WASF3: variants seen among roughly 807,000 people sequenced by gnomAD.
WASF3 encodes the protein actin-binding protein WASF3.
In WASF3, 11 loss-of-function variants were observed where a neutral mutation model predicts 46.6. The observed-to-expected ratio is 0.24, with a 90% CI of 0.15 to 0.39. The LOEUF (loss-of-function observed/expected upper bound fraction) is 0.39. WASF3 is among the 10% of genes least tolerant of loss of function. The pLI is 1.00. For synonymous variants in WASF3, 242 were observed against 259.7 expected, an observed-to-expected ratio of 0.93 and a Z score of 0.65; for missense variants, 576 against 669.8, an observed-to-expected ratio of 0.86 and a Z score of 1.55.
chr13:26,602,294 A>G (rs1227573126), intron 1 of WASF3, among the ~76,000 whole-genome samples: 3 of 152,212 alleles, frequency 2.0e-5, no homozygotes, highest in African/African-American at 7.2e-5. Context: ...CTGCTACTTA[A>G]TTAATTGGAG....
At chr13:26,633,987 C>T (rs1347564831) in intron 2 of WASF3, among the ~76,000 whole-genome samples, 5 of 152,138 alleles carry the variant, frequency 3.3e-5, no homozygotes, top group African/African-American at 1.2e-4. Flanking sequence ...GTGGAGAGTT[C>T]TGTAGATGTC....
chr13:26,544,446 C>G, the WASF3 span, among the ~76,000 whole-genome samples: 1 of 152,202 alleles, frequency 6.6e-6, no homozygotes, highest in Non-Finnish European at 1.5e-5. Flanking sequence ...CTATCCTGCA[C>G]AAACATGGGG....
intron 1 of WASF3, among the ~76,000 whole-genome samples, chr13:26,608,792 A>T (rs1214908253): frequency 6.6e-6 from 1 of 152,208 alleles, no homozygotes; most frequent in South Asian, 2.1e-4. Flanking sequence ...TTTGCTAAAA[A>T]ATTCATATTC....
intron 3 of WASF3, among the ~76,000 whole-genome samples, chr13:26,661,772 C>T (rs950897217): frequency 3.9e-5 from 6 of 152,150 alleles, no homozygotes; most frequent in Admixed American, 2.6e-4. Flanking sequence ...CACTTTTCTG[C>T]GTTTTTGTTT....
chr13:26,636,004 A>G (rs1046171841), intron 2 of WASF3, among the ~76,000 whole-genome samples: 3 of 152,228 alleles, frequency 2.0e-5, no homozygotes, highest in Non-Finnish European at 4.4e-5. Flanking sequence ...CCGTTCTCAG[A>G]GCTCAAACGC....
chr13:26,573,597 CAA>C (rs1417548150), intron 1 of WASF3, among the ~76,000 whole-genome samples: 7 of 152,036 alleles, frequency 4.6e-5, no homozygotes, highest in Non-Finnish European at 1.5e-5. Flanking sequence ...CCTTTTCACC[CAA>C]GAGTTGTATA....
chr13:26,623,187 C>T (rs1437815392), intron 2 of WASF3, among the ~76,000 whole-genome samples: 1 of 152,188 alleles, frequency 6.6e-6, no homozygotes, highest in Non-Finnish European at 1.5e-5. Context: ...GGGAAGGTTA[C>T]ACTTACTCAT....
chr13:26,626,405 C>G (rs1342078546), intron 2 of WASF3: 1 of 152,158 alleles, frequency 6.6e-6, no homozygotes, highest in Non-Finnish European at 1.5e-5. Context: ...ACACATTTAG[C>G]AGGGGTCTTT....
intron 3 of WASF3, among the ~76,000 whole-genome samples, chr13:26,661,250 ACT>A (rs1258396588): frequency 2.0e-5 from 3 of 151,918 alleles, no homozygotes; most frequent in Non-Finnish European, 4.4e-5. Flanking sequence ...CAGAAGCAAA[ACT>A]CTGCGCTCGT....
At chr13:26,612,925 C>G (rs1284109373) in intron 1 of WASF3, 36 bp from the exon 2 acceptor site, 1 of 151,962 alleles carries the variant, frequency 6.6e-6, no homozygotes, top group Non-Finnish European at 1.5e-5. Context: ...ATGCATTTTG[C>G]CTACTGGTAA....
intron 2 of WASF3, among the ~76,000 whole-genome samples, chr13:26,617,538 G>A (rs1421795564): frequency 6.6e-6 from 1 of 152,174 alleles, no homozygotes; most frequent in Non-Finnish European, 1.5e-5. Context: ...CATGGACTGA[G>A]TCCAGGCTGC....
intron 3 of WASF3, among the ~76,000 whole-genome samples, chr13:26,654,057 A>G (rs1274753639): frequency 2.0e-5 from 3 of 152,078 alleles, no homozygotes; most frequent in African/African-American, 7.3e-5. Context: ...GCAAGTCTGT[A>G]TGCCTGTTAG....
chr13:26,598,707 A>G (rs527347724), intron 1 of WASF3, among the ~76,000 whole-genome samples: 84 of 152,224 alleles, frequency 5.5e-4, no homozygotes, highest in Non-Finnish European at 9.3e-4. Context: ...AGATCTCTTT[A>G]TGCTTCAGAG....
At chr13:26,582,717 G>A (rs2137171107) in intron 1 of WASF3, among the ~76,000 whole-genome samples, 1 of 137,036 alleles carries the variant, frequency 7.3e-6, no homozygotes, top group African/African-American at 2.6e-5. Context: ...TCACAGTGTT[G>A]TACTTAAAGA....
intron 2 of WASF3, among the ~76,000 whole-genome samples, chr13:26,634,678 C>T (rs1881762988): frequency 6.6e-6 from 1 of 152,170 alleles, no homozygotes; most frequent in Non-Finnish European, 1.5e-5. Context: ...GTAAGGCAGG[C>T]CTGGTGGTGA....
rs1031565558 is a variant in WASF3, at chr13:26,651,338, C to A, written c.133+8935C>A. Among the ~76,000 whole-genome samples the A allele has an allele frequency of 7.9e-5, 12 of 151,518 alleles. No individual in the cohort carries two copies. In the East Asian group the frequency reaches 1.7e-3, roughly 22 times the overall value. Reference sequence around the variant, plus strand: ...TCTAAAAAAACACAAAAAACAAAAACCAAAAACCAAAAATTTTGCTAAAGG... The same window carrying A: ...TCTAAAAAAACACAAAAAACAAAAAACAAAAACCAAAAATTTTGCTAAAGG... On this transcript the variant is annotated intron_variant, in intron 3 of 9. Coordinates refer to ENST00000335327, the MANE Select transcript of WASF3 (RefSeq NM_006646.6).
At chr13:26,549,276 A>C in the WASF3 span, among the ~76,000 whole-genome samples, 1 of 152,196 alleles carries the variant, frequency 6.6e-6, no homozygotes, top group East Asian at 1.9e-4. Context: ...CACTGCGCCT[A>C]GCCAATCCCA....
intron 1 of WASF3, among the ~76,000 whole-genome samples, chr13:26,595,768 T>C (rs977990821): frequency 1.3e-5 from 2 of 152,238 alleles, no homozygotes; most frequent in African/African-American, 4.8e-5. Flanking sequence ...TTGTGATTAC[T>C]TTTTTCACTA....
the WASF3 span, among the ~76,000 whole-genome samples, chr13:26,541,991 GA>G: frequency 0.044 from 6,683 of 152,272 alleles, 275 homozygotes; most frequent in African/African-American, 0.11. Context: ...GTACATGGGG[GA>G]CTGTATCATG....
Sources: allele counts gnomAD v4.1 joint callset (sites outside exome capture counted in the v4.1 genomes callset), GRCh38; gene constraint gnomAD v4.1.1; transcripts MANE v1.5; gene names NCBI Gene and HGNC (gene_info 2026-07-23, HGNC 2026-07-21).